Variants in LSAMP observed in about 807,000 individuals in gnomAD.
LSAMP encodes the protein limbic system associated membrane protein.
A neutral mutation model predicts 38.6 loss-of-function variants in LSAMP; 7 were observed. That is an observed-to-expected ratio of 0.18 (90% confidence interval 0.10 to 0.34). The LOEUF (loss-of-function observed/expected upper bound fraction) is 0.34. LSAMP is among the 10% of genes least tolerant of loss of function. The pLI, the probability that LSAMP is intolerant of heterozygous loss-of-function variation, is 1.00. For missense variants in LSAMP, 313 were observed against 420.0 expected (o/e 0.75, Z 2.23); for synonymous variants, 154 against 166.8 (o/e 0.92, Z 0.59).
At chr3:115,838,838 A>G (rs1934884241) in intron 6 of LSAMP, among the ~76,000 whole-genome samples, 1 of 152,246 alleles carries the variant, frequency 6.6e-6, no homozygotes, top group Non-Finnish European at 1.5e-5. Context: ...CTGTGTGAAA[A>G]GTCAGCTCAT....
chr3:115,903,134 A>G (rs1936921352), intron 3 of LSAMP, among the ~76,000 whole-genome samples: 1 of 152,210 alleles, frequency 6.6e-6, no homozygotes, highest in Non-Finnish European at 1.5e-5. Flanking sequence ...TGGTACAAAT[A>G]CACCATGGAA....
At chr3:116,071,053 T>TAAATAATA (rs745683193) in intron 2 of LSAMP, among the ~76,000 whole-genome samples, 1 of 138,844 alleles carries the variant, frequency 7.2e-6, no homozygotes, top group African/African-American at 2.8e-5. Context: ...AATAAATAAA[T>TAAATAATA]AATAAATAAA....
At chr3:116,086,133 G>T (rs1332365659) in intron 2 of LSAMP, among the ~76,000 whole-genome samples, 191 bp downstream of exon 2, 2 of 152,182 alleles carry the variant, frequency 1.3e-5, no homozygotes, top group Non-Finnish European at 2.9e-5. Context: ...CTCAGTAACA[G>T]GAGTACACTC....
intron 1 of LSAMP, among the ~76,000 whole-genome samples, chr3:116,345,194 A>G (rs114801967): frequency 0.01 from 1,583 of 152,330 alleles, 32 homozygotes; most frequent in African/African-American, 0.037. Flanking sequence ...TACAAAAAAA[A>G]GGAAGAGGTT....
chr3:116,160,343 G>A (rs1479783557), intron 1 of LSAMP, among the ~76,000 whole-genome samples: 3 of 147,396 alleles, frequency 2.0e-5, no homozygotes, highest in Non-Finnish European at 3.0e-5. Flanking sequence ...AGGATGCAGT[G>A]AGCCGAGATC....
At chr3:115,907,811 GA>G (rs1310866486) in intron 3 of LSAMP, among the ~76,000 whole-genome samples, 1 of 152,150 alleles carries the variant, frequency 6.6e-6, no homozygotes, top group Non-Finnish European at 1.5e-5. Context: ...TCTTGCTGAA[GA>G]AACAGAGAGT....
chr3:116,282,147 A>T (rs1279894119), intron 1 of LSAMP, among the ~76,000 whole-genome samples: 1 of 152,204 alleles, frequency 6.6e-6, no homozygotes, highest in Non-Finnish European at 1.5e-5. Context: ...GCTGGGCAGG[A>T]CTTCATTGAA....
At chr3:116,347,913 C>G (rs1443303899) in intron 1 of LSAMP, among the ~76,000 whole-genome samples, 1 of 152,026 alleles carries the variant, frequency 6.6e-6, no homozygotes, top group Non-Finnish European at 1.5e-5. Flanking sequence ...ATGAAAAATA[C>G]TACTGCCCAT....
chr3:116,334,332 C>T (rs1235346160), intron 1 of LSAMP, among the ~76,000 whole-genome samples: 2 of 152,012 alleles, frequency 1.3e-5, no homozygotes, highest in Non-Finnish European at 2.9e-5. Context: ...GAACTAACAC[C>T]CGTCCTTCTC....
chr3:116,102,785 A>ATCTATCTATCTATCTATCTATATATCTG (rs562864883), intron 1 of LSAMP, among the ~76,000 whole-genome samples: 2 of 151,692 alleles, frequency 1.3e-5, no homozygotes, highest in African/African-American at 4.9e-5. Flanking sequence ...CTATCTATCT[A>ATCTATCTATCTATCTATCTATATATCTG]TCTGTCTGTC....
At chr3:115,985,826 C>G (rs1465845156) in intron 3 of LSAMP, among the ~76,000 whole-genome samples, 5 of 152,198 alleles carry the variant, frequency 3.3e-5, no homozygotes, top group African/African-American at 1.2e-4. Context: ...TCTTCGCAGA[C>G]TGTAGCCACA....
At chr3:116,210,701 G>T (rs765417945) in intron 1 of LSAMP, among the ~76,000 whole-genome samples, 1 of 152,084 alleles carries the variant, frequency 6.6e-6, no homozygotes, top group Admixed American at 6.5e-5. Flanking sequence ...CCTATTAGTT[G>T]TGTCCCTTTA....
intron 1 of LSAMP, among the ~76,000 whole-genome samples, chr3:116,422,648 C>A (rs1269633166): frequency 6.6e-6 from 1 of 152,068 alleles, no homozygotes; most frequent in Non-Finnish European, 1.5e-5. Flanking sequence ...TGAAAGTATT[C>A]TAAAACTAGA....
chr3:116,173,357 C>T (rs1710251004), intron 1 of LSAMP, among the ~76,000 whole-genome samples: 1 of 151,974 alleles, frequency 6.6e-6, no homozygotes, highest in Non-Finnish European at 1.5e-5. Context: ...TGATATAGAC[C>T]ATGGCCTTTT....
intron 1 of LSAMP, among the ~76,000 whole-genome samples, chr3:116,390,739 CAAAAAAA>C (rs60344430): frequency 1.8e-4 from 10 of 55,988 alleles, no homozygotes; most frequent in East Asian, 1.1e-3. Context: ...GACTCCGCCT[CAAAAAAA>C]AAAAAAAAAA....
chr3:116,150,168 CT>C (rs1269971417), intron 1 of LSAMP, among the ~76,000 whole-genome samples: 1 of 152,044 alleles, frequency 6.6e-6, no homozygotes, highest in African/African-American at 2.4e-5. Flanking sequence ...AATACACTTG[CT>C]TTTCACAGCA....
intron 1 of LSAMP, among the ~76,000 whole-genome samples, chr3:116,308,400 C>T (rs1176063105): frequency 6.6e-6 from 1 of 152,066 alleles, no homozygotes; most frequent in Non-Finnish European, 1.5e-5. Context: ...TGTATCATCA[C>T]AGCCTAACAA....
rs1935903842 is a variant in LSAMP at position 115,867,788 on chromosome 3, GTC to G, written c.515-15173_515-15172del. Reference sequence around the variant, plus strand: ...TTTGTTTTGGTTGGTTGAGTCTAAAGTCTATTTGCTAAGAGACTTCGTTTTGA... The same window carrying G: ...TTTGTTTTGGTTGGTTGAGTCTAAAGTATTTGCTAAGAGACTTCGTTTTGA... On this transcript the variant is annotated intron_variant, in intron 3 of 6. Coordinates refer to ENST00000490035, the MANE Select transcript of LSAMP (RefSeq NM_002338.5). 5.9e-5 allele frequency among the ~76,000 whole-genome samples: 9 copies of G among 152,278 alleles called. No homozygotes were observed. In the South Asian group the frequency reaches 1.9e-3, roughly 32 times the overall value.
At chr3:116,360,111 C>T (rs1418998365) in intron 1 of LSAMP, 2 of 150,134 alleles carry the variant, frequency 1.3e-5, no homozygotes, top group African/African-American at 2.5e-5. Context: ...GTTCATCTCA[C>T]TAGGGAGTGC....
Sources: gnomAD v4.1 joint callset for allele counts (sites outside exome capture counted in the v4.1 genomes callset) on GRCh38, gnomAD v4.1.1 for gene constraint, MANE v1.5 for transcripts, NCBI Gene and HGNC (gene_info 2026-07-23, HGNC 2026-07-21) for gene names.